The following SLC38A12 variants were observed in gnomAD, a reference collection of about 807,000 sequenced individuals.
SLC38A12 encodes the protein solute carrier family 38 member 12.
At chr17:74,791,936 G>A in the SLC38A12 span, among the ~76,000 whole-genome samples, 2 of 140,750 alleles carry the variant, frequency 1.4e-5, no homozygotes, top group Non-Finnish European at 3.1e-5. Context: ...CACGAGGTGA[G>A]GAGATCGAGA....
the SLC38A12 span, chr17:74,838,963 T>A: frequency 7.8e-6 from 12 of 1,535,744 alleles, no homozygotes; most frequent in Non-Finnish European, 1.0e-5. Flanking sequence ...GGTGTCGTTG[T>A]GGAGGAAAGC....
chr17:74,794,052 G>A, the SLC38A12 span, among the ~76,000 whole-genome samples: 3 of 152,172 alleles, frequency 2.0e-5, no homozygotes, highest in Non-Finnish European at 2.9e-5. Context: ...CATCAAAAAC[G>A]TGAGCCTCAG....
the SLC38A12 span, among the ~76,000 whole-genome samples, chr17:74,823,856 C>T: frequency 6.6e-6 from 1 of 152,282 alleles, no homozygotes; most frequent in African/African-American, 2.4e-5. Context: ...GGCATTTACT[C>T]CCAAGGTGCA....
At chr17:74,815,267 A>G in the SLC38A12 span, among the ~76,000 whole-genome samples, 1 of 152,150 alleles carries the variant, frequency 6.6e-6, no homozygotes, top group Non-Finnish European at 1.5e-5. Context: ...TTGGGCAGTG[A>G]TGTTATCACA....
At chr17:74,801,345 C>A in the SLC38A12 span, among the ~76,000 whole-genome samples, 1 of 152,340 alleles carries the variant, frequency 6.6e-6, no homozygotes, top group South Asian at 2.1e-4. Context: ...TCGTTCTAAC[C>A]CGTGCCCACC....
chr17:74,806,984 G>T, the SLC38A12 span, among the ~76,000 whole-genome samples: 1 of 152,142 alleles, frequency 6.6e-6, no homozygotes, highest in Non-Finnish European at 1.5e-5. Flanking sequence ...TTTTAGGGCA[G>T]TCTGATTGCC....
the SLC38A12 span, chr17:74,839,263 CT>C: frequency 3.2e-6 from 4 of 1,260,886 alleles, no homozygotes; most frequent in Non-Finnish European, 4.3e-6. Context: ...AGCCACACAG[CT>C]GTCCTCACTA....
chr17:74,839,138 C>T, the SLC38A12 span: 3 of 1,526,328 alleles, frequency 2.0e-6, no homozygotes, highest in African/African-American at 1.4e-5. Context: ...CTGGCTGTTC[C>T]TCACCTGAGG....
chr17:74,791,259 G>A, the SLC38A12 span, among the ~76,000 whole-genome samples: 111 of 151,122 alleles, frequency 7.3e-4, no homozygotes, highest in African/African-American at 2.6e-3. Context: ...TTCTCTAGCG[G>A]AAGTCAGGAA....
chr17:74,817,928 C>T, the SLC38A12 span, among the ~76,000 whole-genome samples: 2 of 152,142 alleles, frequency 1.3e-5, no homozygotes, highest in African/African-American at 2.4e-5. Context: ...CCCAAACACC[C>T]GGGCACACCA....
the SLC38A12 span, chr17:74,836,566 T>G: frequency 1.2e-6 from 2 of 1,613,168 alleles, no homozygotes; most frequent in South Asian, 2.2e-5. The surrounding 1 kb of genome is among the most constrained non-coding windows in gnomAD (Gnocchi z 4.2). Context: ...GGCTGTGGGG[T>G]CAGCAACAAG....
the SLC38A12 span, among the ~76,000 whole-genome samples, chr17:74,789,627 C>A: frequency 4.0e-5 from 6 of 151,674 alleles, no homozygotes; most frequent in East Asian, 1.2e-3. Context: ...GGGTGGATCA[C>A]CTGAGGTCAG....
chr17:74,793,549 C>T, the SLC38A12 span, among the ~76,000 whole-genome samples: 4 of 152,270 alleles, frequency 2.6e-5, no homozygotes, highest in African/African-American at 7.2e-5. Context: ...GTTCATTGAT[C>T]CCTTATTTTG....
At chr17:74,807,587 G>A in the SLC38A12 span, among the ~76,000 whole-genome samples, 4 of 152,206 alleles carry the variant, frequency 2.6e-5, no homozygotes, top group African/African-American at 4.8e-5. Flanking sequence ...TCTGGTCCTC[G>A]CTGCCAGGAC....
At chr17:74,838,955 TG>T in the SLC38A12 span, 1 of 1,535,560 alleles carries the variant, frequency 6.5e-7, no homozygotes, top group African/African-American at 1.4e-5. Context: ...CAGGAGCAGG[TG>T]TCGTTGTGGA....
the SLC38A12 span, among the ~76,000 whole-genome samples, chr17:74,834,117 C>T: frequency 3.3e-5 from 5 of 152,140 alleles, no homozygotes; most frequent in African/African-American, 1.2e-4. Flanking sequence ...GTGCACACCC[C>T]CCTCTACCCA....
At chr17:74,837,005 T>G in the SLC38A12 span, 3 of 1,136,258 alleles carry the variant, frequency 2.6e-6, no homozygotes, top group African/African-American at 1.6e-5. Flanking sequence ...CAACCCTACT[T>G]CCAGGGCGGG....
chr17:74,825,590 C>A, the SLC38A12 span, among the ~76,000 whole-genome samples: 2 of 152,250 alleles, frequency 1.3e-5, no homozygotes, highest in South Asian at 4.1e-4. Context: ...AGCCGTACCT[C>A]TCCTCTAGCA....
the SLC38A12 span, chr17:74,795,027 T>C: frequency 6.2e-7 from 1 of 1,614,072 alleles, no homozygotes; most frequent in Non-Finnish European, 8.5e-7. Context: ...GTCAACTTGT[T>C]CTATTTCTGC....
Sources: gnomAD v4.1 joint callset for allele counts (sites outside exome capture counted in the v4.1 genomes callset) on GRCh38, gnomAD v4.1.1 for gene constraint, Gnocchi (gnomAD v3.1) non-coding constraint, MANE v1.5 for transcripts, NCBI Gene and HGNC (gene_info 2026-07-23, HGNC 2026-07-21) for gene names.